The following AP4E1 variants were observed in gnomAD, a reference collection of about 807,000 sequenced individuals.
AP4E1 encodes adaptor related protein complex 4 subunit epsilon 1, also known as AP-4 complex subunit epsilon-1.
Under a neutral mutation model 128.2 loss-of-function variants are expected in AP4E1, and 56 were observed. The observed-to-expected ratio is 0.44, with a 90% CI of 0.35 to 0.55. The LOEUF (loss-of-function observed/expected upper bound fraction) is 0.55. Ranked by LOEUF, AP4E1 falls within the 20% of genes least tolerant of loss-of-function variation. The pLI is 0.00. For missense variants in AP4E1, 1,324 were observed against 1,307.7 expected (o/e 1.01, Z -0.19); for synonymous variants, 484 against 473.1 (o/e 1.02, Z -0.30).
At chr15:50,989,699 A>G (rs1481023677) in intron 16 of AP4E1, among the ~76,000 whole-genome samples, 2 of 152,122 alleles carry the variant, frequency 1.3e-5, no homozygotes, top group African/African-American at 4.8e-5. Context: ...TACCTGCACA[A>G]CAGGTGACAG....
intron 13 of AP4E1, among the ~76,000 whole-genome samples, chr15:50,953,322 A>C (rs2064176525): frequency 6.6e-6 from 1 of 152,200 alleles, no homozygotes; most frequent in Non-Finnish European, 1.5e-5. Flanking sequence ...CATACAGGTC[A>C]TGTACAGTCG....
intron 3 of AP4E1, 38 bp downstream of exon 3, chr15:50,915,609 G>T: frequency 6.2e-7 from 1 of 1,605,926 alleles, no homozygotes; most frequent in Non-Finnish European, 8.5e-7. Context: ...CTTTCATGTT[G>T]TCCTTGAAGT....
chr15:50,942,678 A>G lies in AP4E1; in HGVS notation c.1176+903A>G, dbSNP rs1049813643. On this transcript the variant is annotated intron_variant, in intron 10 of 20. Transcript: ENST00000261842. Reference sequence around the variant, plus strand: ...ACTTTTGTATATTACATTTTAATATATATAATTATATATATTACTTATAAT... The same window carrying G: ...ACTTTTGTATATTACATTTTAATATGTATAATTATATATATTACTTATAAT... 4.3e-4 allele frequency among the ~76,000 whole-genome samples: 64 copies of G among 148,188 alleles called. 1 individual carries two copies. Among genetic ancestry groups the G allele is most frequent in the Admixed American group, 4.0e-3 (59 of 14,774 alleles).
chr15:50,947,969 G>A, intron 10 of AP4E1, 51 bp from the exon 11 acceptor site: 1 of 1,370,996 alleles, frequency 7.3e-7, no homozygotes, highest in Admixed American at 1.8e-5. Context: ...GTACTCATTG[G>A]TGTTATGCAT....
At chr15:50,947,916 T>C (rs1280625703) in intron 10 of AP4E1, 104 bp from the exon 11 acceptor site, 6 of 968,796 alleles carry the variant, frequency 6.2e-6, no homozygotes, top group Non-Finnish European at 7.6e-6. Flanking sequence ...TAGATCTCCA[T>C]AAAAGTAGAA....
intron 15 of AP4E1, among the ~76,000 whole-genome samples, chr15:50,972,808 T>G (rs1281274309): frequency 6.6e-6 from 1 of 152,106 alleles, no homozygotes; most frequent in Non-Finnish European, 1.5e-5. Flanking sequence ...GCTCATGATG[T>G]GGGTGCAAGG....
chr15:50,972,799 C>T (rs1196830481), intron 15 of AP4E1, among the ~76,000 whole-genome samples: 1 of 152,114 alleles, frequency 6.6e-6, no homozygotes. Context: ...GTTTCTTAGG[C>T]TCATGATGTG....
intron 8 of AP4E1, among the ~76,000 whole-genome samples, chr15:50,936,423 A>C (rs2063909028): frequency 1.3e-5 from 2 of 150,696 alleles, no homozygotes; most frequent in Non-Finnish European, 3.0e-5. Context: ...TTTCAGCTTT[A>C]ATTTTTTTAT....
At chr15:50,933,535 A>G (rs1379106004) in intron 7 of AP4E1, among the ~76,000 whole-genome samples, 2 of 152,154 alleles carry the variant, frequency 1.3e-5, no homozygotes, top group African/African-American at 4.8e-5. Flanking sequence ...TTTTAAATTG[A>G]GGAACTAGAC....
chr15:50,930,998 A>G lies in AP4E1; in HGVS notation c.869+27A>G, dbSNP rs371964373. On this transcript the variant is annotated intron_variant, in intron 7 of 20. Coordinates refer to ENST00000261842, the MANE Select transcript of AP4E1 (RefSeq NM_007347.5). The stretch of plus-strand genomic sequence containing the variant: ...TAAACTATTTTCAGTAAGTTTGCTT[A>G]ATGACCCCCATACCAGATGATAAGC... 8.7e-6 allele frequency: 14 copies of G among 1,613,048 alleles called. No homozygotes were observed. The African/African-American group carries it at 1.9e-4, about 22-fold the overall frequency.
chr15:50,964,241 GTC>G (rs2064357655), intron 14 of AP4E1, among the ~76,000 whole-genome samples: 1 of 152,200 alleles, frequency 6.6e-6, no homozygotes, highest in South Asian at 2.1e-4. Flanking sequence ...CAAATTTGGA[GTC>G]TCAGTCTATT....
intron 15 of AP4E1, among the ~76,000 whole-genome samples, chr15:50,981,843 T>C (rs554755682): frequency 5.3e-5 from 8 of 152,192 alleles, no homozygotes; most frequent in African/African-American, 1.9e-4. Flanking sequence ...CCCAGCACTT[T>C]GGGAGCCTGA....
intron 16 of AP4E1, among the ~76,000 whole-genome samples, chr15:50,992,486 A>T (rs1359701739): frequency 6.6e-6 from 1 of 152,204 alleles, no homozygotes; most frequent in Non-Finnish European, 1.5e-5. Context: ...AATAATAGAG[A>T]TGATCCTTGG....
chr15:50,908,945 C>A lies in AP4E1; in HGVS notation c.150+17C>A. 1 of 1,610,386 alleles carries A rather than the reference C, an allele frequency of 6.2e-7. No individual in the cohort carries two copies. On this transcript the variant is annotated intron_variant, in intron 1 of 20. Transcript: ENST00000261842. ...TCCAAGCACGTAGGTGCCCGCCGGC[C>A]CGGGAGCTCAGGGACATCGGAGTGA...
In AP4E1 at chr15:51,005,468, G is replaced by T. The variant is rs2140944426; in HGVS notation, c.*2806G>T. The T allele has an allele frequency of 6.5e-6, 1 of 152,760 alleles. No homozygotes were observed. The highest frequency in any genetic ancestry group is 1.9e-4 in the East Asian group (1 of 5,186). The allele number at this position is 152,760 out of a possible 1,614,324, so 9.5% of individuals were successfully genotyped here. ...GGGTTTGAAAGTGGGCCTGAGTAAG[G>T]GTCCTGCTAGAGAAACTGCAGATGG... On this transcript the variant is annotated 3_prime_UTR_variant, in exon 21 of 21. Coordinates refer to ENST00000261842, the MANE Select transcript of AP4E1 (RefSeq NM_007347.5).
intron 13 of AP4E1, among the ~76,000 whole-genome samples, chr15:50,952,994 G>T (rs1407265316): frequency 6.6e-6 from 1 of 152,096 alleles, no homozygotes; most frequent in Non-Finnish European, 1.5e-5. Flanking sequence ...GAGGTGGGAG[G>T]ATTGCTTGAA....
At chr15:50,911,324 A>T (rs1226289049) in intron 1 of AP4E1, among the ~76,000 whole-genome samples, 2 of 152,122 alleles carry the variant, frequency 1.3e-5, no homozygotes, top group Non-Finnish European at 2.9e-5. Flanking sequence ...AGGGAAGAAG[A>T]ATGTAGTTTA....
intron 14 of AP4E1, 34 bp downstream of exon 14, chr15:50,958,828 G>A (rs2064270370): frequency 6.2e-7 from 1 of 1,601,618 alleles, no homozygotes; most frequent in Admixed American, 1.7e-5. Context: ...TTTAAAAATT[G>A]CGTTGTCATT....
At chr15:50,930,476 A>G (rs1009935981) in intron 6 of AP4E1, among the ~76,000 whole-genome samples, 1 of 151,454 alleles carries the variant, frequency 6.6e-6, no homozygotes, top group African/African-American at 2.4e-5. Flanking sequence ...GTCCTTTTGC[A>G]GTATGCCAGT....
Sources: gnomAD v4.1 joint callset for allele counts (sites outside exome capture counted in the v4.1 genomes callset) on GRCh38, gnomAD v4.1.1 for gene constraint, MANE v1.5 for transcripts, NCBI Gene and HGNC (gene_info 2026-07-23, HGNC 2026-07-21) for gene names.